DGKZ: variants seen among roughly 807,000 people sequenced by gnomAD.
The protein encoded by DGKZ is diacylglycerol kinase zeta.
A neutral mutation model predicts 142.5 loss-of-function variants in DGKZ; 45 were observed. The observed-to-expected ratio is 0.32, with a 90% CI of 0.25 to 0.40. DGKZ has a LOEUF of 0.40. Among genes scored for constraint, DGKZ ranks in the 10% least tolerant of loss-of-function variants. The probability of loss-of-function intolerance (pLI) is 1.00; values close to 1 mark genes in which losing one functional copy is unlikely to be tolerated. For missense variants in DGKZ, 755 were observed against 1,306.5 expected, an observed-to-expected ratio of 0.58 and a Z score of 6.51; for synonymous variants, 442 against 527.0, an observed-to-expected ratio of 0.84 and a Z score of 2.21.
At chr11:46,371,738 C>T in exon 9 of DGKZ, 1 of 1,613,810 alleles carries the variant, frequency 6.2e-7, no homozygotes, top group South Asian at 1.1e-5. Context: ...AAGAAGAGGG[C>T]ATCCTTCAAG....
upstream of DGKZ, chr11:46,345,357 C>T: frequency 3.6e-6 from 5 of 1,393,690 alleles, no homozygotes; most frequent in South Asian, 1.6e-5. This position sits in a 1 kb window ranked among gnomAD's most constrained non-coding sequence, Gnocchi z 4.1. Flanking sequence ...GCCCCCCCCT[C>T]GACCCCACCC....
At chr11:46,353,904 G>C (rs1051673711) in intron 1 of DGKZ, among the ~76,000 whole-genome samples, 2 of 152,214 alleles carry the variant, frequency 1.3e-5, no homozygotes, top group African/African-American at 4.8e-5. Flanking sequence ...CCACACCCCA[G>C]CATCTCGCGG....
chr11:46,366,580 G>T, intron 1 of DGKZ: 1 of 1,607,174 alleles, frequency 6.2e-7, no homozygotes, highest in Non-Finnish European at 8.5e-7. Flanking sequence ...GTGCACCCCT[G>T]CTGTTGACCG....
At chr11:46,371,260 G>C in intron 6 of DGKZ, 53 bp from the exon 7 acceptor site, 1 of 1,557,280 alleles carries the variant, frequency 6.4e-7, no homozygotes. Context: ...GAGAGGGGCT[G>C]GGTCTGCTGC....
chr11:46,355,483 A>G (rs981137856), intron 1 of DGKZ, among the ~76,000 whole-genome samples: 7 of 152,208 alleles, frequency 4.6e-5, no homozygotes, highest in African/African-American at 1.4e-4. Context: ...CAAGCCTGCA[A>G]CACTCCCTTG....
At chr11:46,371,667 G>T in intron 8 of DGKZ, 37 bp from the exon 9 acceptor site, 1 of 1,613,850 alleles carries the variant, frequency 6.2e-7, no homozygotes, top group Non-Finnish European at 8.5e-7. Context: ...ACCCCAGCCT[G>T]CCCACCTCGT....
chr11:46,371,989 A>G, intron 9 of DGKZ, 86 bp from the exon 10 acceptor site: 1 of 1,381,278 alleles, frequency 7.2e-7, no homozygotes, highest in Non-Finnish European at 1.0e-6. Context: ...CAAAGAGGGA[A>G]CAAAGTCACC....
intron 1 of DGKZ, chr11:46,366,807 A>G: frequency 1.3e-6 from 2 of 1,546,768 alleles, no homozygotes; most frequent in Non-Finnish European, 8.7e-7. Context: ...CACGGCTACT[A>G]TCGGCGCCTC....
At chr11:46,377,170 C>A (rs775165278) in exon 25 of DGKZ, 2 of 1,609,140 alleles carry the variant, frequency 1.2e-6, no homozygotes, top group Non-Finnish European at 8.5e-7. Flanking sequence ...CTCCCAACCC[C>A]CACTTCCCCT....
Position 46,342,020 on chromosome 11 carries a change from G to A in DGKZ, c.212+8533G>A, listed in dbSNP as rs1019404619. Among the ~76,000 whole-genome samples the A allele has an allele frequency of 5.3e-5, 8 of 152,176 alleles. No individual in the cohort carries two copies. The East Asian group carries it at 5.8e-4, about 11-fold the overall frequency. ...AGAGGATGTCCAGGTCGTGGGTTGA[G>A]TGTTTGTTGCCCTGGTACATTTCTT... On this transcript the variant is annotated intron_variant, in intron 1 of 30. Coordinates refer to the DGKZ transcript ENST00000343674.
rs1355725413 is a variant in DGKZ, at chr11:46,366,809, C to T, written c.162-482C>T. On this transcript the variant is annotated intron_variant, in intron 1 of 30. Transcript: ENST00000527911. The stretch of plus-strand genomic sequence containing the variant: ...TCTCTGGGGCCTGCACGGCTACTAT[C>T]GGCGCCTCAGCCAGCGGCGGCCCTC... The T allele has an allele frequency of 3.2e-6, 5 of 1,546,502 alleles. No individual in the cohort carries two copies. The highest frequency in any genetic ancestry group is 4.3e-6 in the Non-Finnish European group (5 of 1,149,692).
At chr11:46,368,150 C>T in intron 4 of DGKZ, 71 bp downstream of exon 4, 2 of 1,511,234 alleles carry the variant, frequency 1.3e-6, no homozygotes, top group Non-Finnish European at 1.8e-6. Flanking sequence ...CGCACTCACA[C>T]CCACATGTTA....
At chr11:46,369,778 A>G in intron 5 of DGKZ, 163 bp from the exon 6 acceptor site, 1 of 900,252 alleles carries the variant, frequency 1.1e-6, no homozygotes, top group Non-Finnish European at 1.7e-6. Flanking sequence ...TCTGAGTCTG[A>G]GCCTCCCCCA....
At chr11:46,340,078 A>G (rs1321907124) in intron 1 of DGKZ, among the ~76,000 whole-genome samples, 1 of 152,224 alleles carries the variant, frequency 6.6e-6, no homozygotes, top group East Asian at 1.9e-4. Flanking sequence ...GGTTGGCAGA[A>G]GTTAAGCAAT....
chr11:46,371,804 G>T, intron 9 of DGKZ, 29 bp downstream of exon 9: 2 of 1,606,012 alleles, frequency 1.2e-6, no homozygotes, highest in South Asian at 1.1e-5. Context: ...AGAGGCTGCA[G>T]GGGAGCAGGA....
chr11:46,366,814 C>T, intron 1 of DGKZ: 1 of 1,546,172 alleles, frequency 6.5e-7, no homozygotes, highest in South Asian at 1.2e-5. Context: ...ACTATCGGCG[C>T]CTCAGCCAGC....
Position 46,367,678 on chromosome 11 carries a change from C to T in DGKZ, c.297C>T (p.Ile99=). 6.2e-7 allele frequency: 1 copy of T among 1,608,568 alleles called. No homozygotes were observed. The highest frequency in any genetic ancestry group is 8.5e-7 in the Non-Finnish European group (1 of 1,177,122). Reference sequence around the variant, plus strand: ...AGTCAGCGACATATGGGGAGCACATCTGGTTCGAGACCAACGTGTCCGGGG... The same window carrying T: ...AGTCAGCGACATATGGGGAGCACATTTGGTTCGAGACCAACGTGTCCGGGG... Residue 99 remains isoleucine (I), a synonymous_variant, in exon 3 of 31, where the codon ATC becomes ATT. Coordinates refer to ENST00000527911, the Ensembl canonical transcript of DGKZ. The surrounding 1 kb of genome is among the most constrained non-coding windows in gnomAD (Gnocchi z 4.1).
intron 26 of DGKZ, 24 bp from the exon 27 acceptor site, chr11:46,378,433 G>A (rs773038173): frequency 9.5e-6 from 15 of 1,582,818 alleles, no homozygotes; most frequent in Non-Finnish European, 1.3e-5. Context: ...CGACTGCAGA[G>A]TAACAGGCAG....
At chr11:46,348,051 G>A (rs1373604395) in intron 1 of DGKZ, among the ~76,000 whole-genome samples, 3 of 152,128 alleles carry the variant, frequency 2.0e-5, no homozygotes, top group African/African-American at 4.8e-5. Flanking sequence ...CACCGGGTGG[G>A]GGTCATTCCC....
Sources: allele counts gnomAD v4.1 joint callset (sites outside exome capture counted in the v4.1 genomes callset), GRCh38; gene constraint gnomAD v4.1.1; non-coding constraint Gnocchi (gnomAD v3.1); transcripts MANE v1.5; gene names NCBI Gene and HGNC (gene_info 2026-07-23, HGNC 2026-07-21).